The following ADGRL3 variants were observed in gnomAD, a reference collection of about 807,000 sequenced individuals.
ADGRL3 encodes the protein calcium-independent alpha-latrotoxin receptor 3.
In ADGRL3, 62 loss-of-function variants were observed where a neutral mutation model predicts 153.5. The ratio of observed to expected loss-of-function variants is 0.40; its 90% CI spans 0.33 to 0.50. The LOEUF is 0.50. Ranked by LOEUF, ADGRL3 falls within the 20% of genes least tolerant of loss-of-function variation. ADGRL3 has a pLI of 0.47. For missense variants in ADGRL3, 1,641 were observed against 1,859.4 expected (o/e 0.88, Z 2.16); for synonymous variants, 710 against 672.5 (o/e 1.06, Z -0.86).
intron 4 of ADGRL3, among the ~76,000 whole-genome samples, chr4:61,524,575 C>T (rs2098548721): frequency 1.3e-5 from 2 of 152,020 alleles, no homozygotes; most frequent in Non-Finnish European, 2.9e-5. Context: ...AGATTTGTTT[C>T]AGTCTCAGCT....
intron 1 of ADGRL3, among the ~76,000 whole-genome samples, chr4:61,338,234 G>A (rs549370788): frequency 2.0e-5 from 3 of 151,044 alleles, no homozygotes; most frequent in Admixed American, 6.6e-5. Context: ...TTATGCCACC[G>A]CACTCCAGCC....
chr4:61,286,215 C>A (rs988442038), intron 1 of ADGRL3, among the ~76,000 whole-genome samples: 1 of 150,764 alleles, frequency 6.6e-6, no homozygotes, highest in Non-Finnish European at 1.5e-5. Context: ...CTTGATTTAT[C>A]TTTTTTGGCT....
intron 2 of ADGRL3, among the ~76,000 whole-genome samples, chr4:61,392,471 A>G (rs1398693356): frequency 6.6e-6 from 1 of 151,454 alleles, no homozygotes; most frequent in South Asian, 2.1e-4. Flanking sequence ...GCAGATCACG[A>G]GGTCAGGAGA....
intron 8 of ADGRL3, among the ~76,000 whole-genome samples, chr4:61,753,563 A>G (rs2096783436): frequency 6.6e-6 from 1 of 152,164 alleles, no homozygotes; most frequent in Non-Finnish European, 1.5e-5. Flanking sequence ...TGAGAGAAAA[A>G]CTGGAAACAT....
intron 6 of ADGRL3, among the ~76,000 whole-genome samples, chr4:61,687,918 A>C (rs938568411): frequency 6.6e-6 from 1 of 152,044 alleles, no homozygotes; most frequent in South Asian, 2.1e-4. Context: ...CCAATATTTC[A>C]TGAAAACTTA....
intron 8 of ADGRL3, among the ~76,000 whole-genome samples, chr4:61,778,578 T>A (rs1470860069): frequency 6.6e-6 from 1 of 152,242 alleles, no homozygotes; most frequent in Non-Finnish European, 1.5e-5. Flanking sequence ...TTCGGTTTTT[T>A]AAAATTTATC....
intron 1 of ADGRL3, among the ~76,000 whole-genome samples, chr4:61,356,331 C>T (rs2096167737): frequency 6.6e-6 from 1 of 151,902 alleles, no homozygotes; most frequent in Non-Finnish European, 1.5e-5. Context: ...CTACAGAATA[C>T]TTAAGGCTAC....
chr4:61,795,844 A>G (rs1561265501), intron 8 of ADGRL3, among the ~76,000 whole-genome samples: 1 of 151,880 alleles, frequency 6.6e-6, no homozygotes, highest in African/African-American at 2.4e-5. Flanking sequence ...CTCATATCCT[A>G]CTTCTTTTTG....
At chr4:61,627,253 AT>A (rs1467446471) in intron 5 of ADGRL3, among the ~76,000 whole-genome samples, 12 of 152,290 alleles carry the variant, frequency 7.9e-5, no homozygotes, top group South Asian at 2.1e-4. Context: ...TGCAAAAAAA[AT>A]AAACTTACTT....
At chr4:61,393,758 A>G (rs998235230) in intron 2 of ADGRL3, among the ~76,000 whole-genome samples, 3 of 152,214 alleles carry the variant, frequency 2.0e-5, no homozygotes, top group African/African-American at 4.8e-5. Context: ...GCTAATGAAT[A>G]TCATCATAAC....
chr4:62,001,003 C>T (rs531841645), intron 21 of ADGRL3, among the ~76,000 whole-genome samples: 1 of 152,080 alleles, frequency 6.6e-6, no homozygotes, highest in South Asian at 2.1e-4. Flanking sequence ...AGGCTGGTCT[C>T]GAACTCCTGG....
intron 1 of ADGRL3, among the ~76,000 whole-genome samples, chr4:61,211,301 A>C (rs1739898691): frequency 6.6e-6 from 1 of 152,150 alleles, no homozygotes; most frequent in Non-Finnish European, 1.5e-5. Flanking sequence ...CTTCTGCCTC[A>C]GTTCCATGCC....
intron 5 of ADGRL3, among the ~76,000 whole-genome samples, chr4:61,647,889 C>T (rs912037054): frequency 3.9e-5 from 6 of 151,996 alleles, no homozygotes; most frequent in Non-Finnish European, 1.5e-5. Flanking sequence ...TTGGATATTA[C>T]TATATTTAAA....
At chr4:61,641,737 C>A (rs535490603) in intron 5 of ADGRL3, among the ~76,000 whole-genome samples, 2 of 151,776 alleles carry the variant, frequency 1.3e-5, no homozygotes, top group East Asian at 3.9e-4. Context: ...AATAATGCCA[C>A]AATAAACATA....
intron 13 of ADGRL3, among the ~76,000 whole-genome samples, chr4:61,932,165 T>A (rs2150112818): frequency 6.6e-6 from 1 of 152,232 alleles, no homozygotes; most frequent in Non-Finnish European, 1.5e-5. Context: ...CATTTCAGTT[T>A]GGATGCCTAT....
At chr4:61,633,233 G>A (rs56009628) in intron 5 of ADGRL3, among the ~76,000 whole-genome samples, 1 of 105,492 alleles carries the variant, frequency 9.5e-6, no homozygotes, top group South Asian at 4.1e-4. Flanking sequence ...GTTGCAGTTT[G>A]GGGTTTTAAA....
At position 61,573,986 on chromosome 4, in the gene ADGRL3, A is replaced by C. The variant is rs1442159181; in HGVS notation, c.260-13241A>C. Among the ~76,000 whole-genome samples the C allele has an allele frequency of 2.0e-5, 3 of 152,048 alleles. No individual in the cohort carries two copies. The East Asian group carries it at 5.8e-4, about 29-fold the overall frequency. On this transcript the variant is annotated intron_variant, in intron 4 of 26. Coordinates refer to ENST00000683033, the MANE Select transcript of ADGRL3 (RefSeq NM_001387552.1). ...AGTGTATAGACAATAAAAATGAAGA[A>C]TGTTGAAAAATACATTCATAGTTTA...
intron 2 of ADGRL3, among the ~76,000 whole-genome samples, chr4:61,481,401 C>A (rs1181371784): frequency 6.6e-6 from 1 of 152,092 alleles, no homozygotes; most frequent in East Asian, 1.9e-4. Flanking sequence ...AATTATTCGA[C>A]TCTAAAAGGC....
At chr4:61,347,372 A>C (rs2095941199) in intron 1 of ADGRL3, among the ~76,000 whole-genome samples, 1 of 151,896 alleles carries the variant, frequency 6.6e-6, no homozygotes. Context: ...TTAGGCCAGC[A>C]GGTATCATTC....
Sources: gnomAD v4.1 joint callset for allele counts (sites outside exome capture counted in the v4.1 genomes callset) on GRCh38, gnomAD v4.1.1 for gene constraint, MANE v1.5 for transcripts, NCBI Gene and HGNC (gene_info 2026-07-23, HGNC 2026-07-21) for gene names.